The following CCDC88C variants were observed in gnomAD, a reference collection of about 807,000 sequenced individuals.
The protein encoded by CCDC88C is protein Daple.
CCDC88C carries 131 observed loss-of-function variants against 198.8 expected under a neutral mutation model. The observed-to-expected ratio is 0.66, with a 90% CI of 0.57 to 0.76. The LOEUF (loss-of-function observed/expected upper bound fraction) is 0.76. Among genes scored for constraint, CCDC88C ranks in the 30% least tolerant of loss-of-function variants. The probability of loss-of-function intolerance (pLI) is 0.00; values close to 1 mark genes in which losing one functional copy is unlikely to be tolerated. For missense variants in CCDC88C, 2,553 were observed against 2,631.6 expected, an observed-to-expected ratio of 0.97 and a Z score of 0.65; for synonymous variants, 1,166 against 1,114.7, an observed-to-expected ratio of 1.05 and a Z score of -0.92.
intron 3 of CCDC88C, among the ~76,000 whole-genome samples, chr14:91,370,286 G>A (rs965139509): frequency 3.3e-5 from 5 of 152,204 alleles, no homozygotes; most frequent in African/African-American, 4.8e-5. Context: ...AAAAAGAGAC[G>A]CTGCTGGCAA....
chr14:91,339,920 C>A lies in CCDC88C; in HGVS notation c.588G>T (p.Leu196=), dbSNP rs1893242642. 1 of 1,594,068 alleles carries A rather than the reference C, an allele frequency of 6.3e-7. No homozygotes were observed. ...EALSRSMVLH[L]RRLIDQRDEC... is the part of the protein sequence containing the mutation. The stretch of plus-strand genomic sequence containing the variant: ...CGTCCCGCTGGTCGATGAGCCTCCG[C>A]AGGTGGAGCACCATGCTCCTCGACA... Residue 196 remains leucine, a synonymous_variant, in exon 7 of 30, where the codon CTG becomes CTT. Transcript: ENST00000389857. This position sits in a 1 kb window ranked among gnomAD's most constrained non-coding sequence, Gnocchi z 5.8.
intron 4 of CCDC88C, among the ~76,000 whole-genome samples, 191 bp from the exon 5 acceptor site, chr14:91,343,848 C>T (rs1261495306): frequency 6.6e-6 from 1 of 152,138 alleles, no homozygotes; most frequent in Non-Finnish European, 1.5e-5. Context: ...GAGACAGGGT[C>T]TCACTCTGTC....
In CCDC88C at chr14:91,381,709, ATGTAATTCCAGGT is replaced by A. The variant is rs1290377646; in HGVS notation, c.271-22011_271-21999del. On this transcript the variant is annotated intron_variant, in intron 3 of 29. Coordinates refer to ENST00000389857, the MANE Select transcript of CCDC88C (RefSeq NM_001080414.4). The surrounding 1 kb of genome is among the most constrained non-coding windows in gnomAD (Gnocchi z 4.2). ...ATTATCTGGGCATGGTGGCGCGTGCATGTAATTCCAGGTACTTGGGAGGCTGAGGCAGGAGAAT... is the reference window on the plus strand; with the variant it reads ...ATTATCTGGGCATGGTGGCGCGTGCAACTTGGGAGGCTGAGGCAGGAGAAT... 1.3e-5 allele frequency among the ~76,000 whole-genome samples: 2 copies of A among 152,130 alleles called. No homozygotes were observed. The highest frequency in any genetic ancestry group is 4.8e-5 in the African/African-American group (2 of 41,438).
At chr14:91,283,269 G>A (rs1890273270) in intron 26 of CCDC88C, 60 bp downstream of exon 26, 3 of 1,526,830 alleles carry the variant, frequency 2.0e-6, no homozygotes, top group African/African-American at 1.4e-5. Flanking sequence ...CGAGAGCCTG[G>A]GGTCTTCAGG....
chr14:91,388,080 C>G (rs141574545), intron 3 of CCDC88C, among the ~76,000 whole-genome samples: 1 of 152,158 alleles, frequency 6.6e-6, no homozygotes, highest in Admixed American at 6.5e-5. Flanking sequence ...CACTGCTGAG[C>G]GAAGCCACAC....
At chr14:91,297,598 AC>A in intron 21 of CCDC88C, 107 bp from the exon 22 acceptor site, 1 of 1,168,980 alleles carries the variant, frequency 8.6e-7, no homozygotes, top group East Asian at 2.6e-5. Flanking sequence ...AGGCTGTGCA[AC>A]CTTAGACAAA....
chr14:91,312,338 G>GCT (rs1891867325), intron 15 of CCDC88C, among the ~76,000 whole-genome samples: 2 of 151,958 alleles, frequency 1.3e-5, no homozygotes, highest in African/African-American at 4.8e-5. Context: ...CAGTGAGCTG[G>GCT]GGTCACACCA....
Position 91,357,678 on chromosome 14 carries a change from C to T in CCDC88C, c.340+1964G>A, listed in dbSNP as rs561144723. ...CATCACTCTCATCTCCTCCCGTAAC[C>T]AGCCCCAAATAAACTAGGAAGGTGG... On this transcript the variant is annotated intron_variant, in intron 4 of 29. Transcript: ENST00000389857. Among the ~76,000 whole-genome samples the T allele has an allele frequency of 5.9e-5, 9 of 152,380 alleles. No homozygotes were observed. In the East Asian group the frequency reaches 1.7e-3, roughly 29 times the overall value.
At position 91,389,360 on chromosome 14, in the gene CCDC88C, T is replaced by C. The variant is rs554230764; in HGVS notation, c.270+19299A>G. Among the ~76,000 whole-genome samples the C allele has an allele frequency of 5.3e-5, 8 of 152,334 alleles. No individual in the cohort carries two copies. In the South Asian group the frequency reaches 1.0e-3, roughly 20 times the overall value. On this transcript the variant is annotated intron_variant, in intron 3 of 29. Coordinates refer to ENST00000389857, the MANE Select transcript of CCDC88C (RefSeq NM_001080414.4). ...CCAGGGGAAAAGTCAACAACTGCTC[T>C]TGAAGATGTGATTCCAAGTTCAAAG... is the stretch of plus-strand genomic sequence containing the variant.
chr14:91,314,100 C>T lies in CCDC88C; in HGVS notation c.1716G>A (p.Ser572=), dbSNP rs767670216. 128 of 1,613,566 alleles carry T rather than the reference C, an allele frequency of 7.9e-5. 1 individual carries two copies. The highest frequency in any genetic ancestry group is 3.4e-4 in the South Asian group (31 of 91,072). The part of the protein sequence containing the change: ...EKDHLNRAMW[S]LRERSQVSSE... ...TGCTGACCTGCGACCTCTCCCGCAG[C>T]GACCACATGGCTCGGTTGAGGTGGT... The change falls in exon 15 of 30, where the codon TCG becomes TCA. Residue 572 remains serine (S), a synonymous_variant. Coordinates refer to ENST00000389857, the MANE Select transcript of CCDC88C (RefSeq NM_001080414.4).
chr14:91,321,437 C>G, intron 12 of CCDC88C, 133 bp from the exon 13 acceptor site: 1 of 896,084 alleles, frequency 1.1e-6, no homozygotes, highest in Non-Finnish European at 1.7e-6. Flanking sequence ...CACAGGTCAG[C>G]TGGGGACCCT....
At chr14:91,367,921 C>G (rs1177448054) in intron 3 of CCDC88C, among the ~76,000 whole-genome samples, 1 of 152,128 alleles carries the variant, frequency 6.6e-6, no homozygotes, top group Non-Finnish European at 1.5e-5. Flanking sequence ...AAAACGCCCC[C>G]TCCTCTAGGC....
At chr14:91,379,774 C>A (rs1179585275) in intron 3 of CCDC88C, 10 of 698,828 alleles carry the variant, frequency 1.4e-5, no homozygotes, top group Middle Eastern at 2.3e-4. Context: ...GGGCCTCCTG[C>A]GGGGGTGTCT....
At position 91,393,887 on chromosome 14, in the gene CCDC88C, C is replaced by T. The variant is rs75271996; in HGVS notation, c.270+14772G>A. On this transcript the variant is annotated intron_variant, in intron 3 of 29. Coordinates refer to ENST00000389857, the MANE Select transcript of CCDC88C (RefSeq NM_001080414.4). Reference sequence around the variant, plus strand: ...GAAATCAACTTCATGAGCTCTACTCCGTAAAATCTGAATGCCACAAATTCT... The same window carrying T: ...GAAATCAACTTCATGAGCTCTACTCTGTAAAATCTGAATGCCACAAATTCT... Among the ~76,000 whole-genome samples the T allele has an allele frequency of 4.9e-3, 740 of 152,296 alleles. 1 individual carries two copies. The highest frequency in any genetic ancestry group is 7.9e-3 in the Non-Finnish European group (537 of 68,026).
In CCDC88C at chr14:91,371,975, G is replaced by C. The variant is rs532229077; in HGVS notation, c.271-12264C>G. 6.6e-6 allele frequency among the ~76,000 whole-genome samples: 1 copy of C among 152,188 alleles called. No individual in the cohort carries two copies. The highest frequency in any genetic ancestry group is 2.4e-5 in the African/African-American group (1 of 41,454). On this transcript the variant is annotated intron_variant, in intron 3 of 29. Coordinates refer to ENST00000389857, the MANE Select transcript of CCDC88C (RefSeq NM_001080414.4). The surrounding 1 kb of genome is among the most constrained non-coding windows in gnomAD (Gnocchi z 4.2). ...GTGGGAAAGGCAGGCAGTGGGGGCAGCCAGCCCCCAACCTCACGCCCCAAC... is the reference window on the plus strand; with the variant it reads ...GTGGGAAAGGCAGGCAGTGGGGGCACCCAGCCCCCAACCTCACGCCCCAAC...
chr14:91,403,070 C>G (rs1378649682), intron 3 of CCDC88C, among the ~76,000 whole-genome samples: 3 of 152,136 alleles, frequency 2.0e-5, no homozygotes, highest in African/African-American at 7.2e-5. Context: ...AGGCCCACCC[C>G]CTTTTGCTTG....
At position 91,343,657 on chromosome 14, in the gene CCDC88C, C is replaced by T. The variant is rs778203108; in HGVS notation, c.341G>A (p.Gly114Glu). 15 of 1,613,432 alleles carry T rather than the reference C, an allele frequency of 9.3e-6. No homozygotes were observed. The highest frequency in any genetic ancestry group is 1.3e-5 in the Non-Finnish European group (15 of 1,179,834). ...VLMIGRDPLS[G>E]KSMEEIKKVL... ...CTTCTTGATTTCCTCCATGCTCTTC[C>T]CTAGATCAAGAGAGCAACACATTTA... The change falls in exon 5 of 30, where the codon GGG (glycine) becomes GAG (glutamate). Residue 114 changes from glycine (G) to glutamate (E), a missense_variant and splice_region_variant. Gly to Glu is a moderately conservative substitution (Grantham distance 98). Around this residue, in one of 2 missense-constraint regions of CCDC88C, gnomAD observed 1,260 missense variants for 1,412.0 expected, o/e 0.89. Transcript: ENST00000389857.
chr14:91,356,199 T>G (rs1346010771), intron 4 of CCDC88C, among the ~76,000 whole-genome samples: 3 of 152,224 alleles, frequency 2.0e-5, no homozygotes, highest in Non-Finnish European at 4.4e-5. Context: ...CCCCTAGCAC[T>G]GGTGTCTGCA....
chr14:91,369,330 C>T (rs768059589), intron 3 of CCDC88C, among the ~76,000 whole-genome samples: 19 of 152,142 alleles, frequency 1.2e-4, no homozygotes, highest in Non-Finnish European at 2.1e-4. Context: ...CCTCAGCTTC[C>T]GAAGTAGCTG....
Sources: gnomAD v4.1 joint callset for allele counts (sites outside exome capture counted in the v4.1 genomes callset) on GRCh38, gnomAD v4.1.1 for gene constraint, gnomAD v4.1.1 regional missense constraint, Gnocchi (gnomAD v3.1) non-coding constraint, MANE v1.5 for transcripts, NCBI Gene and HGNC (gene_info 2026-07-23, HGNC 2026-07-21) for gene names.